Variants in PPARG observed in about 807,000 individuals in gnomAD.
PPARG encodes the protein peroxisome proliferator-activated receptor gamma.
PPARG carries 17 observed loss-of-function variants against 39.2 expected under a neutral mutation model. That is an observed-to-expected ratio of 0.43 (90% CI 0.30 to 0.65). The LOEUF (loss-of-function observed/expected upper bound fraction) is 0.65, where lower values mean the gene tolerates loss of function less well. PPARG is among the 30% of genes least tolerant of loss of function. The pLI, the probability that PPARG is intolerant of heterozygous loss-of-function variation, is 0.13. For synonymous variants in PPARG, 223 were observed against 215.7 expected (o/e 1.03, Z -0.30); for missense variants, 406 against 585.9 (o/e 0.69, Z 3.17).
chr3:12,296,360 T>C (rs2124936395), intron 1 of PPARG, among the ~76,000 whole-genome samples: 1 of 151,106 alleles, frequency 6.6e-6, no homozygotes, highest in East Asian at 2.0e-4. Context: ...TTGTTAGAAA[T>C]GCAGTTTCTT....
At chr3:12,293,658 T>C (rs2046705667) in intron 1 of PPARG, among the ~76,000 whole-genome samples, 1 of 152,228 alleles carries the variant, frequency 6.6e-6, no homozygotes, top group African/African-American at 2.4e-5. Flanking sequence ...TGCTTCTTGG[T>C]GACATTGTAG....
At chr3:12,417,888 C>CTTTTTTTTTTTTTTTTTTT (rs1240237792) in intron 7 of PPARG, among the ~76,000 whole-genome samples, 11 of 64,062 alleles carry the variant, frequency 1.7e-4, no homozygotes, top group Non-Finnish European at 2.3e-4. Flanking sequence ...TTTTTTTTTT[C>CTTTTTTTTTTTTTTTTTTT]TTTTTTTTTT....
At chr3:12,371,946 T>G (rs2049230787) in intron 2 of PPARG, 6 of 714,866 alleles carry the variant, frequency 8.4e-6, no homozygotes, top group Non-Finnish European at 1.6e-5. Context: ...GTGATCTTGA[T>G]CTGCATGAAT....
intron 4 of PPARG, among the ~76,000 whole-genome samples, chr3:12,383,151 C>A (rs554093498): frequency 1.4e-4 from 22 of 152,252 alleles, no homozygotes; most frequent in African/African-American, 5.1e-4. Context: ...CACATTGTAT[C>A]CTTCATCAGG....
chr3:12,404,422 A>G (rs1425388225), intron 5 of PPARG, among the ~76,000 whole-genome samples: 1 of 152,196 alleles, frequency 6.6e-6, no homozygotes, highest in African/African-American at 2.4e-5. Flanking sequence ...ATCCAAGGTA[A>G]TATTCACAGA....
intron 2 of PPARG, among the ~76,000 whole-genome samples, chr3:12,335,618 C>A (rs567613593): frequency 6.6e-6 from 1 of 152,250 alleles, no homozygotes; most frequent in African/African-American, 2.4e-5. Flanking sequence ...TGGCCAGATG[C>A]AACAATTCTT....
At chr3:12,342,287 A>G (rs895573198) in intron 2 of PPARG, among the ~76,000 whole-genome samples, 1 of 152,232 alleles carries the variant, frequency 6.6e-6, no homozygotes, top group African/African-American at 2.4e-5. Flanking sequence ...CTATCTGATA[A>G]CTGGCCTGAC....
At chr3:12,295,871 T>C (rs543278205) in intron 1 of PPARG, among the ~76,000 whole-genome samples, 136 of 152,192 alleles carry the variant, frequency 8.9e-4, no homozygotes, top group African/African-American at 3.1e-3. Context: ...TCTGCAAAAA[T>C]CTAGACACCA....
chr3:12,381,176 A>C, intron 3 of PPARG, 146 bp from the exon 4 acceptor site: 2 of 805,470 alleles, frequency 2.5e-6, no homozygotes, highest in Non-Finnish European at 4.1e-6. Flanking sequence ...TCTTGCCTTA[A>C]CTCCAGTGTT....
chr3:12,351,225 C>T (rs2125093151), intron 2 of PPARG, among the ~76,000 whole-genome samples: 2 of 152,320 alleles, frequency 1.3e-5, no homozygotes, highest in Admixed American at 1.3e-4. Flanking sequence ...ATTGAACAGT[C>T]TCTGCTCTGA....
intron 5 of PPARG, among the ~76,000 whole-genome samples, chr3:12,394,955 C>T (rs1273093196): frequency 1.3e-5 from 2 of 152,148 alleles, no homozygotes; most frequent in Non-Finnish European, 2.9e-5. Context: ...TGAACGTCCC[C>T]CAAAGCAAAT....
intron 1 of PPARG, among the ~76,000 whole-genome samples, chr3:12,294,480 G>C (rs975758046): frequency 6.6e-6 from 1 of 152,142 alleles, no homozygotes; most frequent in African/African-American, 2.4e-5. Flanking sequence ...ACTCTTCCAG[G>C]CTTTAAAAGT....
At chr3:12,295,972 C>G (rs1438047597) in intron 1 of PPARG, among the ~76,000 whole-genome samples, 2 of 151,968 alleles carry the variant, frequency 1.3e-5, no homozygotes, top group Non-Finnish European at 2.9e-5. Context: ...GAAGAAAGAG[C>G]TGGTCATGGT....
chr3:12,415,082 C>T (rs924258054), intron 6 of PPARG, among the ~76,000 whole-genome samples: 13 of 152,164 alleles, frequency 8.5e-5, no homozygotes, highest in Admixed American at 2.6e-4. Flanking sequence ...CCGGCTGCCA[C>T]GGCCACTCAT....
chr3:12,309,717 T>G (rs2047173924), intron 1 of PPARG, among the ~76,000 whole-genome samples: 1 of 152,236 alleles, frequency 6.6e-6, no homozygotes, highest in African/African-American at 2.4e-5. Context: ...TTTCTGTATC[T>G]TAAGTCAACT....
At chr3:12,371,512 A>G (rs2049214141) in intron 2 of PPARG, among the ~76,000 whole-genome samples, 1 of 152,196 alleles carries the variant, frequency 6.6e-6, no homozygotes, top group Non-Finnish European at 1.5e-5. Context: ...TTCGCATTTT[A>G]TTCTGTGATA....
At chr3:12,354,415 C>T (rs931580181) in intron 2 of PPARG, among the ~76,000 whole-genome samples, 10 of 151,618 alleles carry the variant, frequency 6.6e-5, no homozygotes, top group African/African-American at 2.4e-4. Flanking sequence ...AGCCTTGTAG[C>T]GTTAATCACT....
intron 4 of PPARG, among the ~76,000 whole-genome samples, chr3:12,386,511 CTTAA>C (rs1460128411): frequency 6.6e-6 from 1 of 151,158 alleles, no homozygotes; most frequent in Non-Finnish European, 1.5e-5. Context: ...AAGAGTTAAA[CTTAA>C]TTCTCTTTTT....
intron 6 of PPARG, among the ~76,000 whole-genome samples, chr3:12,411,196 T>A (rs1251976752): frequency 6.6e-6 from 1 of 152,190 alleles, no homozygotes; most frequent in Non-Finnish European, 1.5e-5. Flanking sequence ...AGAAAAGCAC[T>A]TGGATTTTTT....
Sources: gnomAD v4.1 joint callset for allele counts (sites outside exome capture counted in the v4.1 genomes callset) on GRCh38, gnomAD v4.1.1 for gene constraint, MANE v1.5 for transcripts, NCBI Gene and HGNC (gene_info 2026-07-23, HGNC 2026-07-21) for gene names.